GDPD5: variants seen among roughly 807,000 people sequenced by gnomAD.
GDPD5 encodes the protein glycerophosphodiester phosphodiesterase 2.
A neutral mutation model predicts 75.1 loss-of-function variants in GDPD5; 48 were observed. The ratio of observed to expected loss-of-function variants is 0.64; its 90% CI spans 0.51 to 0.81. The LOEUF is 0.81. Ranked by LOEUF, GDPD5 falls within the 40% of genes least tolerant of loss-of-function variation. GDPD5 has a pLI of 0.00. For synonymous variants in GDPD5, 336 were observed against 339.0 expected (o/e 0.99, Z 0.10); for missense variants, 706 against 822.6 (o/e 0.86, Z 1.73).
chr11:75,500,040 T>C (rs1187517096), intron 1 of GDPD5, among the ~76,000 whole-genome samples: 1 of 152,164 alleles, frequency 6.6e-6, no homozygotes, highest in Non-Finnish European at 1.5e-5. Flanking sequence ...GAAGGCTGCC[T>C]GCCCAGCACT....
chr11:75,502,322 G>A (rs2135455911), intron 1 of GDPD5, among the ~76,000 whole-genome samples: 2 of 152,294 alleles, frequency 1.3e-5, no homozygotes, highest in Middle Eastern at 6.8e-3. Flanking sequence ...AACTCCTATA[G>A]ATCCCTCAAT....
At chr11:75,465,786 A>G (rs1949502649) in intron 3 of GDPD5, among the ~76,000 whole-genome samples, 2 of 152,032 alleles carry the variant, frequency 1.3e-5, no homozygotes, top group Non-Finnish European at 2.9e-5. Context: ...GAAGGTTCTG[A>G]GAGGGACCTA....
chr11:75,488,118 T>G (rs1024871424), intron 2 of GDPD5, among the ~76,000 whole-genome samples: 2 of 152,006 alleles, frequency 1.3e-5, no homozygotes, highest in African/African-American at 4.8e-5. Context: ...TAGACTCACA[T>G]ACTCCTAGTG....
At chr11:75,523,796 C>T (rs1440985748) in intron 1 of GDPD5, among the ~76,000 whole-genome samples, 2 of 152,258 alleles carry the variant, frequency 1.3e-5, no homozygotes, top group Non-Finnish European at 2.9e-5. Flanking sequence ...CCTCAGTCAC[C>T]TTGTCTTTTG....
At chr11:75,504,822 C>CA (rs1950360654) in intron 1 of GDPD5, among the ~76,000 whole-genome samples, 1 of 152,098 alleles carries the variant, frequency 6.6e-6, no homozygotes, top group Non-Finnish European at 1.5e-5. Context: ...TTAAATAATA[C>CA]AATTTTTAAA....
chr11:75,517,678 A>G (rs1282705818), intron 1 of GDPD5, among the ~76,000 whole-genome samples: 1 of 151,098 alleles, frequency 6.6e-6, no homozygotes, highest in African/African-American at 2.4e-5. Context: ...AACACCTAGT[A>G]ACTACCTTGA....
intron 13 of GDPD5, 131 bp from the exon 14 acceptor site, chr11:75,441,441 G>T: frequency 7.8e-7 from 1 of 1,283,338 alleles, no homozygotes; most frequent in Non-Finnish European, 1.1e-6. Context: ...GGCTCCAGAG[G>T]GCCAAGCTCC....
chr11:75,500,291 C>T (rs1592143410), intron 1 of GDPD5, among the ~76,000 whole-genome samples: 2 of 152,162 alleles, frequency 1.3e-5, no homozygotes, highest in Non-Finnish European at 2.9e-5. Flanking sequence ...CCTTTCTCTC[C>T]TCCCTTCTCA....
intron 1 of GDPD5, among the ~76,000 whole-genome samples, chr11:75,512,281 GACACACACACACACACACACAC>G (rs145862089): frequency 1.6e-5 from 2 of 123,100 alleles, no homozygotes; most frequent in African/African-American, 6.1e-5. Context: ...AATTGGGAAG[GACACACACACACACACACACAC>G]ACACACACAC....
intron 1 of GDPD5, among the ~76,000 whole-genome samples, chr11:75,513,627 A>C (rs564920212): frequency 6.6e-6 from 1 of 152,196 alleles, no homozygotes; most frequent in Non-Finnish European, 1.5e-5. Context: ...GAAACTAAAC[A>C]CTGAAGTTTA....
intron 14 of GDPD5, among the ~76,000 whole-genome samples, chr11:75,440,860 G>T (rs760554169): frequency 5.3e-5 from 8 of 152,200 alleles, no homozygotes; most frequent in Non-Finnish European, 1.0e-4. Context: ...CCCGGTCAAT[G>T]CTTCCTATTC....
intron 2 of GDPD5, among the ~76,000 whole-genome samples, chr11:75,478,481 CCTT>C (rs1949830238): frequency 6.6e-6 from 1 of 152,214 alleles, no homozygotes; most frequent in African/African-American, 2.4e-5. Context: ...TCCCAGATCA[CCTT>C]CTGTAAAACT....
At chr11:75,443,387 T>C (rs962790309) in intron 10 of GDPD5, 101 bp from the exon 11 acceptor site, 6 of 1,385,534 alleles carry the variant, frequency 4.3e-6, no homozygotes, top group Non-Finnish European at 5.9e-6. Context: ...CAGCACAGGA[T>C]CCCGGCTGGC....
intron 1 of GDPD5, chr11:75,515,852 G>C (rs528814559): frequency 1.3e-5 from 2 of 152,238 alleles, no homozygotes; most frequent in African/African-American, 2.4e-5. Flanking sequence ...GGAGAGATGG[G>C]TACCTCCAAA....
intron 3 of GDPD5, among the ~76,000 whole-genome samples, chr11:75,464,526 C>T (rs555759259): frequency 6.6e-6 from 1 of 152,278 alleles, no homozygotes; most frequent in Admixed American, 6.5e-5. Context: ...ACCCTCCTGT[C>T]CCAGGTGGGT....
At chr11:75,441,569 T>TGC in intron 13 of GDPD5, 77 bp downstream of exon 13, 1 of 1,190,028 alleles carries the variant, frequency 8.4e-7, no homozygotes. Context: ...TGTGTGTGTG[T>TGC]TGGGGGGTGG....
At chr11:75,457,862 C>T in intron 4 of GDPD5, 76 bp from the exon 5 acceptor site, 1 of 1,126,364 alleles carries the variant, frequency 8.9e-7, no homozygotes, top group Non-Finnish European at 1.3e-6. Context: ...ATGGTCTGAG[C>T]CTCCACACAG....
At chr11:75,491,846 C>T (rs1353546479) in intron 1 of GDPD5, among the ~76,000 whole-genome samples, 5 of 152,104 alleles carry the variant, frequency 3.3e-5, no homozygotes, top group Non-Finnish European at 7.4e-5. Context: ...CTCAGCAAGG[C>T]GGCAGAGCCA....
chr11:75,512,905 G>T (rs916056657), intron 1 of GDPD5, among the ~76,000 whole-genome samples: 4 of 152,166 alleles, frequency 2.6e-5, no homozygotes, highest in Non-Finnish European at 5.9e-5. Flanking sequence ...AAGAAAGAAA[G>T]AAGTCTTTAG....
Sources: allele counts gnomAD v4.1 joint callset (sites outside exome capture counted in the v4.1 genomes callset), GRCh38; gene constraint gnomAD v4.1.1; transcripts MANE v1.5; gene names NCBI Gene and HGNC (gene_info 2026-07-23, HGNC 2026-07-21).